DLG2: variants seen among roughly 807,000 people sequenced by gnomAD.
DLG2 encodes the protein disks large homolog 2.
DLG2 carries 45 observed loss-of-function variants against 132.5 expected under a neutral mutation model. The ratio of observed to expected loss-of-function variants is 0.34; its 90% CI spans 0.27 to 0.44. The LOEUF is 0.44. Ranked by LOEUF, DLG2 falls within the 20% of genes least tolerant of loss-of-function variation. The pLI, the probability that DLG2 is intolerant of heterozygous loss-of-function variation, is 1.00. For missense variants in DLG2, 1,045 were observed against 1,196.9 expected (o/e 0.87, Z 1.87); for synonymous variants, 424 against 419.6 (o/e 1.01, Z -0.13).
At chr11:84,505,568 G>C (rs1037965020) in intron 7 of DLG2, among the ~76,000 whole-genome samples, 31 of 152,014 alleles carry the variant, frequency 2.0e-4, no homozygotes, top group African/African-American at 7.5e-4. Flanking sequence ...AACAACATCA[G>C]GTTCCTAATT....
At chr11:85,050,919 C>T (rs117755052) in intron 6 of DLG2, among the ~76,000 whole-genome samples, 1 of 152,142 alleles carries the variant, frequency 6.6e-6, no homozygotes, top group East Asian at 1.9e-4. Context: ...AATAGATTTC[C>T]CTTTTTCGTC....
At chr11:85,141,952 C>T (rs1337063450) in intron 5 of DLG2, among the ~76,000 whole-genome samples, 1 of 151,892 alleles carries the variant, frequency 6.6e-6, no homozygotes, top group Non-Finnish European at 1.5e-5. Context: ...GGTTTGGATA[C>T]TATAGCTCTG....
intron 6 of DLG2, 63 bp from the exon 7 acceptor site, chr11:84,534,794 G>A (rs1404443721): frequency 6.4e-7 from 1 of 1,554,422 alleles, no homozygotes; most frequent in Non-Finnish European, 8.9e-7. Flanking sequence ...GATATAGACT[G>A]AACTTCATAT....
chr11:83,904,811 T>C (rs537244197), intron 15 of DLG2, among the ~76,000 whole-genome samples: 14 of 152,302 alleles, frequency 9.2e-5, no homozygotes, highest in African/African-American at 3.1e-4. Context: ...AGGCATCACC[T>C]GGCCTTCTTT....
rs540248313 is a variant in DLG2 at position 84,449,831 on chromosome 11, C to T, written c.519+84739G>A. 1.1e-3 allele frequency among the ~76,000 whole-genome samples: 159 copies of T among 151,006 alleles called. 1 individual carries two copies. In the South Asian group the frequency reaches 0.031, roughly 30 times the overall value. On this transcript the variant is annotated intron_variant, in intron 7 of 27. Coordinates refer to ENST00000376104, the MANE Select transcript of DLG2 (RefSeq NM_001142699.3). Reference sequence around the variant, plus strand: ...TAAATAAATAACCATATAAATAACACAATAAAAATAAAATACTAATCACAT... The same window carrying T: ...TAAATAAATAACCATATAAATAACATAATAAAAATAAAATACTAATCACAT...
chr11:84,576,780 T>A (rs1418990103), intron 6 of DLG2, among the ~76,000 whole-genome samples: 4 of 152,204 alleles, frequency 2.6e-5, no homozygotes, highest in African/African-American at 9.6e-5. Context: ...CTATGTGGAT[T>A]TTTAGTATCT....
At chr11:85,212,178 C>T (rs891328725) in intron 4 of DLG2, among the ~76,000 whole-genome samples, 1 of 152,092 alleles carries the variant, frequency 6.6e-6, no homozygotes. Flanking sequence ...CTCGACCCCA[C>T]TAGTCACAGA....
rs531587387 is a variant in DLG2, at chr11:84,273,818, A to T, written c.520-22527T>A. ...CAGCTCTCCTCTCAGTTTAGTTAAGAGCTAGATGTGACATATTCTTCACCT... is the reference window on the plus strand; with the variant it reads ...CAGCTCTCCTCTCAGTTTAGTTAAGTGCTAGATGTGACATATTCTTCACCT... On this transcript the variant is annotated intron_variant, in intron 7 of 27. Coordinates refer to ENST00000376104, the MANE Select transcript of DLG2 (RefSeq NM_001142699.3). Among the ~76,000 whole-genome samples, 3 of 152,308 alleles carry T rather than the reference A, an allele frequency of 2.0e-5. No individual in the cohort carries two copies. The East Asian group carries it at 5.8e-4, about 29-fold the overall frequency.
intron 3 of DLG2, among the ~76,000 whole-genome samples, chr11:85,312,510 T>C (rs889907778): frequency 6.6e-6 from 1 of 151,820 alleles, no homozygotes; most frequent in African/African-American, 2.4e-5. Flanking sequence ...AATTTGATAA[T>C]GATCATTGTT....
At chr11:83,907,208 A>G (rs73524942) in intron 15 of DLG2, among the ~76,000 whole-genome samples, 35 of 152,320 alleles carry the variant, frequency 2.3e-4, no homozygotes, top group Admixed American at 6.5e-4. Flanking sequence ...CATGAAAGAA[A>G]CTAGAAGGAT....
At chr11:83,963,930 G>A (rs2089564400) in intron 13 of DLG2, among the ~76,000 whole-genome samples, 1 of 151,950 alleles carries the variant, frequency 6.6e-6, no homozygotes, top group African/African-American at 2.4e-5. Flanking sequence ...GACAGATGAT[G>A]TATCTCTTTT....
chr11:84,168,871 A>T (rs2095743839), intron 8 of DLG2, among the ~76,000 whole-genome samples: 2 of 151,642 alleles, frequency 1.3e-5, no homozygotes, highest in Admixed American at 1.3e-4. Flanking sequence ...ACTCATTTGC[A>T]TTCCTCTTTT....
chr11:83,680,725 GA>G (rs780341501), intron 18 of DLG2, among the ~76,000 whole-genome samples: 1 of 152,062 alleles, frequency 6.6e-6, no homozygotes, highest in Non-Finnish European at 1.5e-5. Flanking sequence ...AAGTGTTCCT[GA>G]AAAAATATAT....
intron 3 of DLG2, among the ~76,000 whole-genome samples, chr11:85,285,604 TA>T (rs1291558779): frequency 1.3e-5 from 2 of 151,994 alleles, no homozygotes; most frequent in Non-Finnish European, 2.9e-5. Context: ...AAAAAGTGAA[TA>T]AACTGTAGTA....
intron 8 of DLG2, among the ~76,000 whole-genome samples, chr11:84,177,634 C>T (rs2096006684): frequency 1.3e-5 from 2 of 152,174 alleles, no homozygotes; most frequent in Admixed American, 1.3e-4. Context: ...GTACAGTTCT[C>T]AACTGCTCAT....
intron 3 of DLG2, among the ~76,000 whole-genome samples, chr11:85,467,751 G>A (rs1371544938): frequency 6.6e-6 from 1 of 152,140 alleles, no homozygotes; most frequent in Non-Finnish European, 1.5e-5. Flanking sequence ...TGTTCATCAG[G>A]GATATAGGCC....
At chr11:84,683,076 T>C (rs952791726) in intron 6 of DLG2, among the ~76,000 whole-genome samples, 13 of 152,296 alleles carry the variant, frequency 8.5e-5, no homozygotes, top group African/African-American at 2.6e-4. Context: ...GACTTAAATA[T>C]ACTGGTCTGA....
chr11:83,745,007 G>GCA (rs1287398865), intron 18 of DLG2, among the ~76,000 whole-genome samples: 1 of 152,170 alleles, frequency 6.6e-6, no homozygotes, highest in African/African-American at 2.4e-5. Flanking sequence ...TTAGGATGCT[G>GCA]CAATACTCAT....
At chr11:85,059,877 A>G (rs937409652) in intron 6 of DLG2, among the ~76,000 whole-genome samples, 1 of 151,660 alleles carries the variant, frequency 6.6e-6, no homozygotes, top group Non-Finnish European at 1.5e-5. Context: ...TTGATATTTT[A>G]TTTCAATTTT....
Sources: gnomAD v4.1 joint callset for allele counts (sites outside exome capture counted in the v4.1 genomes callset) on GRCh38, gnomAD v4.1.1 for gene constraint, MANE v1.5 for transcripts, NCBI Gene and HGNC (gene_info 2026-07-23, HGNC 2026-07-21) for gene names.